Variants in C19orf38 observed in about 807,000 individuals in gnomAD.
C19orf38 encodes the protein chromosome 19 open reading frame 38.
Under a neutral mutation model 26.6 loss-of-function variants are expected in C19orf38, and 14 were observed. The ratio of observed to expected loss-of-function variants is 0.53; its 90% confidence interval spans 0.35 to 0.82. The LOEUF is 0.82. Among genes scored for constraint, C19orf38 ranks in the 40% least tolerant of loss-of-function variants. The pLI is 0.01. For missense variants in C19orf38, 261 were observed against 299.5 expected, an observed-to-expected ratio of 0.87 and a Z score of 0.95; for synonymous variants, 132 against 128.5, an observed-to-expected ratio of 1.03 and a Z score of -0.18.
chr19:10,856,713 A>G (rs1375112867), intron 3 of C19orf38, among the ~76,000 whole-genome samples: 1 of 151,884 alleles, frequency 6.6e-6, no homozygotes, highest in Non-Finnish European at 1.5e-5. Flanking sequence ...CATGTTGCCC[A>G]AGCTGGTCTG....
chr19:10,861,352 A>G (rs577643654), intron 5 of C19orf38, among the ~76,000 whole-genome samples: 2 of 152,314 alleles, frequency 1.3e-5, no homozygotes, highest in Non-Finnish European at 2.9e-5. Flanking sequence ...CATGCAGGAT[A>G]TTCTCTTGAA....
At chr19:10,857,894 AAAAGAAAGAAAGAAAGAAAGAAAG>A (rs111685154) in intron 3 of C19orf38, among the ~76,000 whole-genome samples, 1 of 142,404 alleles carries the variant, frequency 7.0e-6, no homozygotes, top group South Asian at 2.3e-4. Context: ...AAACAACAAA[AAAAGAAAGAAAGAAAGAAAGAAAG>A]AAAGAAAGAA....
chr19:10,850,419 C>T lies in C19orf38; in HGVS notation c.192C>T (p.Pro64=). ...GGQVVQLLQA[P]TDQRGVTFNL... ...AGGTGGTCCAGCTCCTGCAGGCCCC[C>T]ACGGACCAGCGCGGGGTGACATTTA... The change falls in exon 2 of 7, where the codon CCC becomes CCT. Residue 64 remains proline (P), a synonymous_variant. Transcript: ENST00000397820. The T allele has an allele frequency of 1.3e-6, 2 of 1,550,964 alleles. No homozygotes were observed. Among genetic ancestry groups the T allele is most frequent in the South Asian group, 1.2e-5 (1 of 84,016 alleles).
chr19:10,851,096 C>T (rs1230384162), intron 2 of C19orf38, among the ~76,000 whole-genome samples: 2 of 152,148 alleles, frequency 1.3e-5, no homozygotes, highest in Non-Finnish European at 2.9e-5. Context: ...CTCTTGTTGC[C>T]CAGGCTGGAG....
intron 5 of C19orf38, among the ~76,000 whole-genome samples, chr19:10,862,264 GC>G (rs2073706564): frequency 6.8e-6 from 1 of 146,992 alleles, no homozygotes; most frequent in Non-Finnish European, 1.5e-5. Context: ...GAACGCAGTG[GC>G]GCAATCATAG....
At chr19:10,847,061 C>T (rs978828877), upstream of C19orf38, among the ~76,000 whole-genome samples, 2 of 152,164 alleles carry the variant, frequency 1.3e-5, no homozygotes, top group African/African-American at 4.8e-5. Flanking sequence ...GACCACATGC[C>T]ACATCCTTCT....
At chr19:10,844,575 C>T (rs1195191339), upstream of C19orf38, among the ~76,000 whole-genome samples, 1 of 150,432 alleles carries the variant, frequency 6.6e-6, no homozygotes, top group African/African-American at 2.4e-5. Context: ...AGGCCGGGTG[C>T]AGTGGCTCAC....
At chr19:10,847,309 C>T (rs1452156392), upstream of C19orf38, among the ~76,000 whole-genome samples, 1 of 151,838 alleles carries the variant, frequency 6.6e-6, no homozygotes, top group South Asian at 2.1e-4. Flanking sequence ...TGTGAGCATG[C>T]ACTACCCACT....
chr19:10,845,836 G>A (rs888382506), upstream of C19orf38, among the ~76,000 whole-genome samples: 22 of 147,056 alleles, frequency 1.5e-4, no homozygotes, highest in East Asian at 4.1e-4. Flanking sequence ...CCGAGATCAC[G>A]CCATTGCACT....
At chr19:10,852,761 T>C (rs1450002989) in intron 2 of C19orf38, among the ~76,000 whole-genome samples, 3 of 152,036 alleles carry the variant, frequency 2.0e-5, no homozygotes, top group African/African-American at 7.2e-5. Flanking sequence ...GGGGGTCTTG[T>C]AGACCACAGC....
At chr19:10,840,631 G>A (rs954917728) in intron 1 of C19orf38, among the ~76,000 whole-genome samples, 1 of 152,214 alleles carries the variant, frequency 6.6e-6, no homozygotes, top group African/African-American at 2.4e-5. Context: ...TGATTCTTCT[G>A]CCTCAGCCTC....
intron 6 of C19orf38, among the ~76,000 whole-genome samples, chr19:10,864,012 C>A (rs918694674): frequency 1.3e-5 from 2 of 152,158 alleles, no homozygotes; most frequent in African/African-American, 4.8e-5. Flanking sequence ...TAAATCCCAG[C>A]CCTGACACTG....
At chr19:10,869,187 C>G in intron 6 of C19orf38, 31 bp from the exon 7 acceptor site, 1 of 1,551,218 alleles carries the variant, frequency 6.4e-7, no homozygotes, top group Non-Finnish European at 8.7e-7. Flanking sequence ...CCAAATCACC[C>G]ACTTCTGTGT....
At chr19:10,856,784 A>AT (rs979419701) in intron 3 of C19orf38, among the ~76,000 whole-genome samples, 5 of 151,014 alleles carry the variant, frequency 3.3e-5, no homozygotes, top group Non-Finnish European at 7.4e-5. Context: ...GATTATAGGC[A>AT]TGAGCCACAG....
At chr19:10,868,721 G>T (rs2073775478) in intron 6 of C19orf38, among the ~76,000 whole-genome samples, 1 of 152,146 alleles carries the variant, frequency 6.6e-6, no homozygotes, top group Admixed American at 6.5e-5. Context: ...GGCCAGGCTG[G>T]TCTCGAACTC....
At chr19:10,854,927 G>C (rs1003659222) in intron 2 of C19orf38, among the ~76,000 whole-genome samples, 1 of 151,776 alleles carries the variant, frequency 6.6e-6, no homozygotes, top group Admixed American at 6.6e-5. Context: ...GCTGAAAAAT[G>C]ACAGAAAGCA....
intron 6 of C19orf38, among the ~76,000 whole-genome samples, chr19:10,866,357 ATTT>A (rs71164128): frequency 8.0e-6 from 1 of 125,638 alleles, no homozygotes; most frequent in Non-Finnish European, 1.7e-5. Context: ...TGCCCAGCTA[ATTT>A]TTTTTTTTTT....
intron 6 of C19orf38, among the ~76,000 whole-genome samples, chr19:10,864,264 C>T (rs1227496166): frequency 6.6e-6 from 1 of 151,984 alleles, no homozygotes; most frequent in Non-Finnish European, 1.5e-5. Flanking sequence ...TTTCACCATG[C>T]TGGCCAGGCT....
At chr19:10,844,464 A>G (rs2073501417), upstream of C19orf38, among the ~76,000 whole-genome samples, 2 of 151,286 alleles carry the variant, frequency 1.3e-5, no homozygotes, top group African/African-American at 4.9e-5. Context: ...TAACCCCAGC[A>G]CTTTGGGAGG....
Sources: allele counts gnomAD v4.1 joint callset (sites outside exome capture counted in the v4.1 genomes callset), GRCh38; gene constraint gnomAD v4.1.1; transcripts MANE v1.5; gene names NCBI Gene and HGNC (gene_info 2026-07-23, HGNC 2026-07-21).